Variants in TBC1D22A observed in about 807,000 individuals in gnomAD.
The protein encoded by TBC1D22A is TBC1 domain family member 22A, also known as putative GTPase activator.
A neutral mutation model predicts 60.2 loss-of-function variants in TBC1D22A; 38 were observed. That is an observed-to-expected ratio of 0.63 (90% CI 0.49 to 0.83). TBC1D22A has a LOEUF of 0.83. Among genes scored for constraint, TBC1D22A ranks in the 40% least tolerant of loss-of-function variants. The probability of loss-of-function intolerance (pLI) is 0.00; values close to 1 mark genes in which losing one functional copy is unlikely to be tolerated. For missense variants in TBC1D22A, 628 were observed against 701.0 expected (o/e 0.90, Z 1.18); for synonymous variants, 302 against 281.7 (o/e 1.07, Z -0.72).
At chr22:46,946,085 G>A (rs888254605) in intron 8 of TBC1D22A, among the ~76,000 whole-genome samples, 2 of 152,228 alleles carry the variant, frequency 1.3e-5, no homozygotes, top group Non-Finnish European at 2.9e-5. Flanking sequence ...TCCCTTAAAG[G>A]TGTGTGTACA....
intron 1 of TBC1D22A, among the ~76,000 whole-genome samples, chr22:46,791,936 T>C (rs772231523): frequency 2.6e-5 from 4 of 152,134 alleles, no homozygotes; most frequent in Non-Finnish European, 5.9e-5. Context: ...AATTTTTGTA[T>C]TTTTAGTAGA....
intron 11 of TBC1D22A, among the ~76,000 whole-genome samples, chr22:47,086,182 T>C (rs989715859): frequency 6.6e-6 from 1 of 152,168 alleles, no homozygotes; most frequent in Non-Finnish European, 1.5e-5. Context: ...TAGCCATGGC[T>C]GGCCGAGCGC....
intron 4 of TBC1D22A, among the ~76,000 whole-genome samples, chr22:46,830,344 C>T (rs1209314541): frequency 6.6e-6 from 1 of 152,184 alleles, no homozygotes; most frequent in Admixed American, 6.5e-5. Context: ...AGGGTAGGGC[C>T]CTATTCTCAA....
At chr22:46,939,759 G>A (rs1265446482) in intron 8 of TBC1D22A, among the ~76,000 whole-genome samples, 6 of 152,184 alleles carry the variant, frequency 3.9e-5, no homozygotes, top group Non-Finnish European at 8.8e-5. Context: ...TAGAAGTAAC[G>A]AGGAGCTAAA....
chr22:46,811,595 C>T (rs896220600), intron 4 of TBC1D22A, among the ~76,000 whole-genome samples: 2 of 152,290 alleles, frequency 1.3e-5, no homozygotes, highest in African/African-American at 2.4e-5. Flanking sequence ...AACGGTGTAT[C>T]GAGCTGCGTG....
chr22:47,099,981 C>T (rs574944144), intron 11 of TBC1D22A, among the ~76,000 whole-genome samples: 7 of 152,156 alleles, frequency 4.6e-5, no homozygotes, highest in East Asian at 1.9e-4. Flanking sequence ...CGAGGTGGGG[C>T]GGCCTGGGGC....
At chr22:47,136,723 G>T (rs990986099) in intron 12 of TBC1D22A, among the ~76,000 whole-genome samples, 1 of 152,214 alleles carries the variant, frequency 6.6e-6, no homozygotes, top group African/African-American at 2.4e-5. Context: ...TGCATGCCCC[G>T]TGGGACCAGG....
intron 12 of TBC1D22A, among the ~76,000 whole-genome samples, chr22:47,157,330 C>T (rs774172321): frequency 3.3e-5 from 5 of 152,242 alleles, no homozygotes; most frequent in Admixed American, 1.3e-4. Context: ...CTTTCCCGAT[C>T]TCTTTTTGGT....
At position 47,081,362 on chromosome 22, in the gene TBC1D22A, CAT is replaced by C. The variant is rs1319348817; in HGVS notation, c.1330-30144_1330-30143del. Among the ~76,000 whole-genome samples, 9 of 152,290 alleles carry C rather than the reference CAT, an allele frequency of 5.9e-5. No individual in the cohort carries two copies. The South Asian group carries it at 8.3e-4, about 14-fold the overall frequency. On this transcript the variant is annotated intron_variant, in intron 11 of 12. Transcript: ENST00000337137. The stretch of plus-strand genomic sequence containing the variant: ...GGGCACTTCCGTGTTGAAAGACACT[CAT>C]AGAGTCTCACATCTTACCTCATAAT...
chr22:46,789,310 A>G (rs801607), intron 1 of TBC1D22A: 8,223 of 394,824 alleles, frequency 0.021, 625 homozygotes, highest in African/African-American at 0.16. Context: ...TATTTTTCAT[A>G]GAGACGGGGT....
intron 4 of TBC1D22A, among the ~76,000 whole-genome samples, chr22:46,840,322 A>G (rs969600462): frequency 6.6e-5 from 10 of 152,248 alleles, no homozygotes; most frequent in African/African-American, 2.2e-4. Context: ...CATTTCTCAA[A>G]AGAAGACATA....
chr22:46,763,671 G>A (rs892369207), intron 1 of TBC1D22A: 8 of 152,126 alleles, frequency 5.3e-5, no homozygotes, highest in African/African-American at 1.7e-4. Flanking sequence ...TATGAATTGT[G>A]TTACGAAGAT....
chr22:46,979,637 C>G (rs1401502368), intron 9 of TBC1D22A, among the ~76,000 whole-genome samples: 1 of 152,150 alleles, frequency 6.6e-6, no homozygotes, highest in Non-Finnish European at 1.5e-5. Flanking sequence ...CCAGGGCGTC[C>G]TGAAGTGAAA....
chr22:46,921,236 T>C (rs1290007758), intron 8 of TBC1D22A, among the ~76,000 whole-genome samples: 1 of 152,154 alleles, frequency 6.6e-6, no homozygotes, highest in African/African-American at 2.4e-5. Context: ...CTGACCCTCC[T>C]CCCGCTCTCC....
chr22:47,122,825 G>C (rs186190332), intron 12 of TBC1D22A, among the ~76,000 whole-genome samples: 1 of 152,200 alleles, frequency 6.6e-6, no homozygotes, highest in Non-Finnish European at 1.5e-5. Context: ...GGTGTGCCCA[G>C]CCTCTCTGGC....
At chr22:47,099,733 C>T (rs1191582066) in intron 11 of TBC1D22A, among the ~76,000 whole-genome samples, 1 of 152,188 alleles carries the variant, frequency 6.6e-6, no homozygotes, top group Admixed American at 6.5e-5. Context: ...GCGTGAGCTA[C>T]CGCACCTGGC....
At chr22:46,903,873 C>T (rs989272181) in intron 7 of TBC1D22A, among the ~76,000 whole-genome samples, 9 of 152,090 alleles carry the variant, frequency 5.9e-5, no homozygotes, top group African/African-American at 1.2e-4. Flanking sequence ...CCCAGCAAAC[C>T]GGGAAAAGCA....
At chr22:46,788,775 T>G (rs930274798) in intron 1 of TBC1D22A, among the ~76,000 whole-genome samples, 5 of 152,240 alleles carry the variant, frequency 3.3e-5, no homozygotes, top group African/African-American at 1.2e-4. Flanking sequence ...AGAATTTTCT[T>G]CTGAAATCAT....
intron 1 of TBC1D22A, among the ~76,000 whole-genome samples, chr22:46,775,846 A>G (rs1476805614): frequency 6.6e-6 from 1 of 152,228 alleles, no homozygotes; most frequent in Non-Finnish European, 1.5e-5. Context: ...TTGGAAGTTA[A>G]TTCCTTCAAA....
Sources: gnomAD v4.1 joint callset for allele counts (sites outside exome capture counted in the v4.1 genomes callset) on GRCh38, gnomAD v4.1.1 for gene constraint, MANE v1.5 for transcripts, NCBI Gene and HGNC (gene_info 2026-07-23, HGNC 2026-07-21) for gene names.